Variants in RBFOX1 observed in about 807,000 individuals in gnomAD.
The protein encoded by RBFOX1 is RNA binding protein fox-1 homolog 1.
Under a neutral mutation model 57.7 loss-of-function variants are expected in RBFOX1, and 8 were observed. The observed-to-expected ratio is 0.14, with a 90% CI of 0.08 to 0.25. The LOEUF is 0.25. RBFOX1 is among the 10% of genes least tolerant of loss of function. RBFOX1 has a pLI of 1.00. For missense variants in RBFOX1, 611 were observed against 548.5 expected (o/e 1.11, Z -1.14); for synonymous variants, 326 against 222.4 (o/e 1.47, Z -4.15).
intron 2 of RBFOX1, among the ~76,000 whole-genome samples, chr16:6,343,703 A>G (rs1234566468): frequency 6.6e-6 from 1 of 152,214 alleles, no homozygotes; most frequent in Non-Finnish European, 1.5e-5. Context: ...ATTAATACAA[A>G]TGCATGTCAA....
intron 1 of RBFOX1, among the ~76,000 whole-genome samples, chr16:6,302,893 T>C (rs1408012491): frequency 6.6e-6 from 1 of 152,160 alleles, no homozygotes; most frequent in African/African-American, 2.4e-5. Flanking sequence ...GTATAAAGAA[T>C]GTAGTGAATG....
At chr16:6,669,203 G>A (rs949233255) in intron 3 of RBFOX1, among the ~76,000 whole-genome samples, 3 of 152,160 alleles carry the variant, frequency 2.0e-5, no homozygotes, top group African/African-American at 4.8e-5. Flanking sequence ...GGAAAAATTT[G>A]TGATGGAACG....
intron 3 of RBFOX1, among the ~76,000 whole-genome samples, chr16:6,999,792 C>G (rs2092625399): frequency 6.6e-6 from 1 of 152,104 alleles, no homozygotes; most frequent in East Asian, 1.9e-4. Context: ...TAGCAATAGG[C>G]CAGGCATGTT....
intron 3 of RBFOX1, among the ~76,000 whole-genome samples, chr16:5,775,279 C>G (rs2054109128): frequency 6.6e-6 from 1 of 152,118 alleles, no homozygotes; most frequent in African/African-American, 2.4e-5. Flanking sequence ...CTAACATCCC[C>G]CTTCTCACCC....
At position 6,365,200 on chromosome 16, in the gene RBFOX1, A is replaced by T. The variant is rs530457887; in HGVS notation, c.-64+48143A>T. 1.0e-3 allele frequency among the ~76,000 whole-genome samples: 156 copies of T among 152,322 alleles called. 9 individuals are homozygous for T. The South Asian group carries it at 0.031, about 31-fold the overall frequency. ...GTAGGGCCCTCTCTTCTTAAAATAG[A>T]TGGATGGGTAGATGAATGGATAGAT... On this transcript the variant is annotated intron_variant, in intron 2 of 15. Coordinates refer to ENST00000550418, the MANE Select transcript of RBFOX1 (RefSeq NM_018723.4).
At chr16:7,481,784 C>G (rs1050529497) in intron 4 of RBFOX1, among the ~76,000 whole-genome samples, 3 of 152,134 alleles carry the variant, frequency 2.0e-5, no homozygotes, top group Non-Finnish European at 2.9e-5. Flanking sequence ...ACTTAACACC[C>G]CTCACCTACT....
chr16:5,655,115 G>A (rs937061028), intron 3 of RBFOX1, among the ~76,000 whole-genome samples: 1 of 152,146 alleles, frequency 6.6e-6, no homozygotes, highest in African/African-American at 2.4e-5. Context: ...GACAGATGGT[G>A]CCATCTTCAA....
chr16:7,709,746 TGGGAGG>T (rs1369301764), intron 15 of RBFOX1: 1 of 177,498 alleles, frequency 5.6e-6, no homozygotes, highest in South Asian at 2.7e-4. Flanking sequence ...GTTTTTGTTT[TGGGAGG>T]GGGTGGGGGG....
chr16:6,588,229 C>T (rs1156714273), intron 2 of RBFOX1, among the ~76,000 whole-genome samples: 4 of 145,512 alleles, frequency 2.7e-5, no homozygotes, highest in African/African-American at 1.0e-4. Flanking sequence ...GACTGTGTCT[C>T]GGGAAAAAAA....
chr16:6,068,828 C>G (rs1225895086), intron 1 of RBFOX1, among the ~76,000 whole-genome samples: 3 of 152,174 alleles, frequency 2.0e-5, no homozygotes, highest in Non-Finnish European at 2.9e-5. Context: ...CCCAGGCCTT[C>G]TCCCTGTACC....
In RBFOX1 at chr16:6,019,852, C is replaced by A; in HGVS notation, c.-267C>A. ...CGGGGCTGACCTGCCCGCGAAGTTG[C>A]GGACAGTGCGTGAGAAACCAGCACC... On this transcript the variant is annotated 5_prime_UTR_variant, in exon 1 of 16. Transcript: ENST00000550418. The surrounding 1 kb of genome is among the most constrained non-coding windows in gnomAD (Gnocchi z 4.2). 1 of 1,530,104 alleles carries A rather than the reference C, an allele frequency of 6.5e-7. No individual in the cohort carries two copies. The highest frequency in any genetic ancestry group is 8.7e-7 in the Non-Finnish European group (1 of 1,143,714). 94.8% of individuals were successfully genotyped at this position (1,530,104 alleles called of 1,614,324 possible).
chr16:7,243,223 C>T (rs1368554215), intron 4 of RBFOX1, among the ~76,000 whole-genome samples: 1 of 152,128 alleles, frequency 6.6e-6, no homozygotes, highest in Non-Finnish European at 1.5e-5. Context: ...AACAACTACT[C>T]CAAGCACTTG....
At chr16:6,528,283 G>C (rs561168943) in intron 2 of RBFOX1, among the ~76,000 whole-genome samples, 1 of 152,292 alleles carries the variant, frequency 6.6e-6, no homozygotes, top group South Asian at 2.1e-4. Context: ...AACTCTCAGA[G>C]ACAATTAGAC....
At chr16:6,072,553 A>T (rs1472161257) in intron 1 of RBFOX1, among the ~76,000 whole-genome samples, 2 of 151,890 alleles carry the variant, frequency 1.3e-5, no homozygotes, top group East Asian at 3.9e-4. Context: ...TAGTGGCTAC[A>T]TATCTACATT....
At chr16:6,563,604 G>A (rs911884613) in intron 2 of RBFOX1, among the ~76,000 whole-genome samples, 3 of 152,098 alleles carry the variant, frequency 2.0e-5, no homozygotes, top group African/African-American at 4.8e-5. Context: ...AGCACTTTGC[G>A]AGGCCAAGGT....
intron 3 of RBFOX1, among the ~76,000 whole-genome samples, chr16:5,630,103 T>G (rs12448037): frequency 2.2e-4 from 34 of 152,150 alleles, no homozygotes; most frequent in African/African-American, 8.2e-4. Context: ...CAAAAGTCAT[T>G]TGAGGCTCAG....
chr16:6,559,151 A>G (rs910212655), intron 2 of RBFOX1, among the ~76,000 whole-genome samples: 3 of 150,154 alleles, frequency 2.0e-5, no homozygotes, highest in African/African-American at 7.4e-5. Context: ...ATATGTGTAT[A>G]TATATGACTG....
chr16:7,632,152 A>G (rs969698877), intron 11 of RBFOX1, among the ~76,000 whole-genome samples: 3 of 152,120 alleles, frequency 2.0e-5, no homozygotes, highest in African/African-American at 7.2e-5. Context: ...CAGATGATCC[A>G]TCCACCTCAG....
At chr16:6,458,131 T>G (rs1434852195) in intron 2 of RBFOX1, among the ~76,000 whole-genome samples, 1 of 152,160 alleles carries the variant, frequency 6.6e-6, no homozygotes, top group African/African-American at 2.4e-5. Flanking sequence ...ATTTTGCAAT[T>G]GGATTTCCAG....
Sources: allele counts gnomAD v4.1 joint callset (sites outside exome capture counted in the v4.1 genomes callset), GRCh38; gene constraint gnomAD v4.1.1; non-coding constraint Gnocchi (gnomAD v3.1); transcripts MANE v1.5; gene names NCBI Gene and HGNC (gene_info 2026-07-23, HGNC 2026-07-21).